CFAP92: variants seen among roughly 807,000 people sequenced by gnomAD.
CFAP92 encodes the protein cilia and flagella associated protein 92 (putative).
A neutral mutation model predicts 106.3 loss-of-function variants in CFAP92; 86 were observed. That is an observed-to-expected ratio of 0.81 (90% confidence interval 0.68 to 0.97). CFAP92 has a LOEUF of 0.97. Among genes scored for constraint, CFAP92 ranks in the 50% least tolerant of loss-of-function variants. CFAP92 has a pLI of 0.00. For synonymous variants in CFAP92, 477 were observed against 506.4 expected, an observed-to-expected ratio of 0.94 and a Z score of 0.78; for missense variants, 1,204 against 1,283.8, an observed-to-expected ratio of 0.94 and a Z score of 0.95.
intron 12 of CFAP92, among the ~76,000 whole-genome samples, chr3:128,918,951 T>C (rs2107682259): frequency 6.7e-6 from 1 of 149,064 alleles, no homozygotes; most frequent in African/African-American, 2.5e-5. Flanking sequence ...TTTTTTTTTT[T>C]TTTTTTTTTT....
At chr3:129,016,325 G>A in the CFAP92 span, among the ~76,000 whole-genome samples, 17 of 152,304 alleles carry the variant, frequency 1.1e-4, no homozygotes, top group African/African-American at 4.1e-4. Flanking sequence ...TGAAAGAGAA[G>A]TTCCACCTGT....
chr3:128,929,715 C>A (rs1287776002), intron 12 of CFAP92, among the ~76,000 whole-genome samples: 1 of 152,148 alleles, frequency 6.6e-6, no homozygotes, highest in African/African-American at 2.4e-5. Context: ...AATATTCAGA[C>A]AAGTCAAATC....
Position 128,945,468 on chromosome 3 carries a change from G to A in CFAP92, c.1861C>T (p.Pro621Ser), listed in dbSNP as rs1054866447. ...PRDGHQHGPM[P>S]RGNYLEADSQ... Reference sequence around the variant, plus strand: ...TCAGCCTCTAGGTAGTTGCCCCTGGGCATTGGGCCGTGCTGGTGGCCATCT... The same window carrying A: ...TCAGCCTCTAGGTAGTTGCCCCTGGACATTGGGCCGTGCTGGTGGCCATCT... The change falls in exon 10 of 16, where the codon CCC becomes TCC. Residue 621 changes from proline (P) to serine (S), a missense_variant. Transcript: ENST00000645291. 1 of 1,536,074 alleles carries A rather than the reference G, an allele frequency of 6.5e-7. No individual in the cohort carries two copies. Among genetic ancestry groups the A allele is most frequent in the African/African-American group, 1.4e-5 (1 of 73,054 alleles).
the CFAP92 span, among the ~76,000 whole-genome samples, chr3:129,022,759 G>A: frequency 6.6e-6 from 1 of 152,226 alleles, no homozygotes; most frequent in Non-Finnish European, 1.5e-5. Context: ...AGTGACAAGT[G>A]TCTCTGCAGC....
chr3:128,972,531 C>T (rs537866186), intron 7 of CFAP92, among the ~76,000 whole-genome samples: 1 of 151,842 alleles, frequency 6.6e-6, no homozygotes, highest in Non-Finnish European at 1.5e-5. Context: ...TGTAAGCCAC[C>T]GCACCTGGCC....
At chr3:128,987,506 T>A in intron 4 of CFAP92, 110 bp downstream of exon 4, 1 of 919,818 alleles carries the variant, frequency 1.1e-6, no homozygotes, top group Non-Finnish European at 1.7e-6. Context: ...GCAAAACCCG[T>A]GTGTGCACAT....
At chr3:128,971,562 G>T in intron 7 of CFAP92, 129 bp from the exon 8 acceptor site, 3 of 757,638 alleles carry the variant, frequency 4.0e-6, no homozygotes, top group East Asian at 5.5e-5. Context: ...GTTATTCTTT[G>T]TGTGACTGCC....
At chr3:128,980,195 A>T (rs1427488230) in intron 4 of CFAP92, among the ~76,000 whole-genome samples, 1 of 151,416 alleles carries the variant, frequency 6.6e-6, no homozygotes, top group Non-Finnish European at 1.5e-5. Context: ...ACATGGTGAA[A>T]CCTTGTTTCT....
chr3:128,937,914 A>G (rs547787752), intron 10 of CFAP92, among the ~76,000 whole-genome samples: 1 of 152,270 alleles, frequency 6.6e-6, no homozygotes, highest in South Asian at 2.1e-4. Context: ...AATACAAAAA[A>G]TTAGCTGAGC....
At chr3:128,983,992 A>G (rs1004856474) in intron 4 of CFAP92, among the ~76,000 whole-genome samples, 2 of 152,188 alleles carry the variant, frequency 1.3e-5, no homozygotes, top group African/African-American at 4.8e-5. Context: ...GAGTGCAGAG[A>G]AAGCCAGAGG....
the CFAP92 span, among the ~76,000 whole-genome samples, chr3:129,015,750 A>T: frequency 1.3e-4 from 18 of 143,310 alleles, no homozygotes; most frequent in African/African-American, 4.1e-4. Context: ...CTTGTGATTT[A>T]TTTTCCGCCC....
At position 128,915,505 on chromosome 3, in the gene CFAP92, A is replaced by T. The variant is rs759208508; in HGVS notation, c.2975T>A (p.Leu992Gln). The stretch of plus-strand genomic sequence containing the variant: ...TTTCTTCTCCTCTTCCTTCAAGTCC[A>T]GGGGCTCCACCATGGCTGAGAGGTA... ...QDYLSAMVEP[L>Q]DLKEEEKKAQ... The change falls in exon 14 of 16, where the codon CTG becomes CAG. Residue 992 changes from leucine to glutamine, a missense_variant. Leu to Gln is a moderately radical substitution (Grantham distance 113). Coordinates refer to ENST00000645291, the MANE Select transcript of CFAP92 (RefSeq NM_001394090.1). 9 of 1,535,860 alleles carry T rather than the reference A, an allele frequency of 5.9e-6. No individual in the cohort carries two copies. Among genetic ancestry groups the T allele is most frequent in the Non-Finnish European group, 7.8e-6 (9 of 1,146,868 alleles).
At chr3:128,977,167 A>C in intron 5 of CFAP92, 101 bp from the exon 6 acceptor site, 2 of 844,222 alleles carry the variant, frequency 2.4e-6, no homozygotes, top group Non-Finnish European at 4.0e-6. Context: ...CTCTATGCAG[A>C]AGGCCTGGGA....
the CFAP92 span, among the ~76,000 whole-genome samples, chr3:129,022,372 C>A: frequency 6.6e-6 from 1 of 152,232 alleles, no homozygotes; most frequent in Non-Finnish European, 1.5e-5. Flanking sequence ...AGGTTTGCGG[C>A]TCCTCAGATC....
At chr3:128,925,544 G>A (rs1259923507) in intron 12 of CFAP92, among the ~76,000 whole-genome samples, 1 of 152,152 alleles carries the variant, frequency 6.6e-6, no homozygotes, top group African/African-American at 2.4e-5. Context: ...AAAAGTATGA[G>A]ATGTATAAGT....
chr3:128,979,718 G>C (rs1943393261), intron 4 of CFAP92, among the ~76,000 whole-genome samples: 4 of 150,118 alleles, frequency 2.7e-5, no homozygotes, highest in African/African-American at 9.8e-5. Flanking sequence ...AACACCGCAT[G>C]TTCTCACTCA....
intron 2 of CFAP92, among the ~76,000 whole-genome samples, chr3:128,991,182 G>A (rs908214636): frequency 2.6e-5 from 4 of 152,206 alleles, no homozygotes; most frequent in African/African-American, 9.7e-5. Context: ...AGGAGGTCAA[G>A]TGCCAATTTT....
chr3:128,937,654 G>A (rs553378865), intron 10 of CFAP92, among the ~76,000 whole-genome samples: 6 of 151,938 alleles, frequency 3.9e-5, no homozygotes, highest in Non-Finnish European at 8.8e-5. Context: ...TCAGATCATT[G>A]TAGTCTACTT....
chr3:128,956,994 A>AAAAGG (rs1553751696), intron 9 of CFAP92, among the ~76,000 whole-genome samples: 57 of 129,054 alleles, frequency 4.4e-4, no homozygotes, highest in African/African-American at 1.4e-3. Flanking sequence ...AAAAAAAAAA[A>AAAAGG]AAAGAAATCA....
Sources: allele counts gnomAD v4.1 joint callset (sites outside exome capture counted in the v4.1 genomes callset), GRCh38; gene constraint gnomAD v4.1.1; transcripts MANE v1.5; gene names NCBI Gene and HGNC (gene_info 2026-07-23, HGNC 2026-07-21).